The following SLC26A11 variants were observed in gnomAD, a reference collection of about 807,000 sequenced individuals.
SLC26A11 encodes solute carrier family 26 member 11.
A neutral mutation model predicts 62.2 loss-of-function variants in SLC26A11; 58 were observed. The observed-to-expected ratio is 0.93, with a 90% CI of 0.76 to 1.16. The LOEUF is 1.16. Ranked by LOEUF, SLC26A11 falls within the 50% of genes most tolerant of loss-of-function variation. SLC26A11 has a pLI of 0.00. For synonymous variants in SLC26A11, 411 were observed against 368.9 expected, an observed-to-expected ratio of 1.11 and a Z score of -1.31; for missense variants, 790 against 794.3, an observed-to-expected ratio of 0.99 and a Z score of 0.06.
chr17:80,234,798 G>A (rs191056658), intron 7 of SLC26A11, among the ~76,000 whole-genome samples: 5 of 150,316 alleles, frequency 3.3e-5, no homozygotes, highest in East Asian at 3.9e-4. Flanking sequence ...TGCTTGTTCC[G>A]TCTCAGACAC....
At chr17:80,249,461 C>T (rs555745958) in intron 16 of SLC26A11, among the ~76,000 whole-genome samples, 174 bp downstream of exon 16, 1 of 152,372 alleles carries the variant, frequency 6.6e-6, no homozygotes, top group African/African-American at 2.4e-5. Flanking sequence ...TTCCTCGTCC[C>T]TCCCTGTGGA....
chr17:80,250,209 G>A (rs1432887975), intron 16 of SLC26A11, among the ~76,000 whole-genome samples: 1 of 152,190 alleles, frequency 6.6e-6, no homozygotes, highest in Non-Finnish European at 1.5e-5. Flanking sequence ...ACTAGGGCGT[G>A]TCCCCAGGCG....
At position 80,227,843 on chromosome 17, in the gene SLC26A11, G is replaced by A. The variant is rs1345967871; in HGVS notation, c.619G>A (p.Val207Ile). ...TRVGDAVLGL[V>I]CMLLLLVLKL... ...GGTAGGTGACGCCGTCCTGGGGCTG[G>A]TCTGCATGCTGCTGCTGCTGGTGCT... Residue 207 changes from valine to isoleucine, a missense_variant, in exon 7 of 18, where the codon GTC becomes ATC. Val to Ile is a conservative substitution (Grantham distance 29, BLOSUM62 3). Coordinates refer to ENST00000361193, the MANE Select transcript of SLC26A11 (RefSeq NM_001166347.2). 3 of 1,603,778 alleles carry A rather than the reference G, an allele frequency of 1.9e-6. No homozygotes were observed. The highest frequency in any genetic ancestry group is 2.7e-5 in the African/African-American group (2 of 74,936).
At chr17:80,244,680 A>G (rs2144962331) in intron 10 of SLC26A11, among the ~76,000 whole-genome samples, 1 of 152,232 alleles carries the variant, frequency 6.6e-6, no homozygotes, top group Non-Finnish European at 1.5e-5. Context: ...TGTCTCTACT[A>G]AAAATAGAAA....
chr17:80,226,329 A>G (rs1261936707), intron 6 of SLC26A11, among the ~76,000 whole-genome samples: 1 of 152,116 alleles, frequency 6.6e-6, no homozygotes, highest in Non-Finnish European at 1.5e-5. Context: ...CCCAGACAGA[A>G]CGCAGGTGGT....
intron 10 of SLC26A11, among the ~76,000 whole-genome samples, chr17:80,244,436 G>A (rs1408207788): frequency 1.3e-5 from 2 of 152,200 alleles, no homozygotes; most frequent in Non-Finnish European, 2.9e-5. Flanking sequence ...TTGTCTTACG[G>A]GCACTTTATC....
At chr17:80,245,346 C>T (rs1390482529) in intron 11 of SLC26A11, 90 bp downstream of exon 11, 13 of 1,339,328 alleles carry the variant, frequency 9.7e-6, no homozygotes, top group East Asian at 4.7e-5. Context: ...CTGACCCCGG[C>T]GCCCCGTCCT....
At chr17:80,236,882 A>T (rs778246568) in intron 7 of SLC26A11, 46 bp from the exon 8 acceptor site, 1 of 1,572,880 alleles carries the variant, frequency 6.4e-7, no homozygotes, top group African/African-American at 1.4e-5. Context: ...GCTACCCCAC[A>T]CTCGCCGGGA....
Position 80,224,315 on chromosome 17 carries a change from G to A in SLC26A11, c.513+978G>A, listed in dbSNP as rs1044297502. Among the ~76,000 whole-genome samples the A allele has an allele frequency of 1.3e-4, 14 of 107,370 alleles. 1 individual carries two copies. Among genetic ancestry groups the A allele is most frequent in the African/African-American group, 3.2e-4 (6 of 18,488 alleles). The allele number at this position is 107,370 out of a possible 152,430, so 70.4% of individuals were successfully genotyped here. A position where few individuals can be genotyped will look rare whatever the true frequency, so the allele number is the denominator to read the frequency against. ...TGAGTGTGCGTGTGTGTGTGAGAGAGTGTGAGTGTGTATGAGTGAGAGTGT... is the reference window on the plus strand; with the variant it reads ...TGAGTGTGCGTGTGTGTGTGAGAGAATGTGAGTGTGTATGAGTGAGAGTGT... On this transcript the variant is annotated intron_variant, in intron 5 of 17. Coordinates refer to ENST00000361193, the MANE Select transcript of SLC26A11 (RefSeq NM_001166347.2).
rs374231395 is a variant in SLC26A11 at position 80,246,312 on chromosome 17, C to T, written c.1153+103C>T. 7.9e-5 allele frequency: 116 copies of T among 1,461,240 alleles called. No homozygotes were observed. In the African/African-American group the frequency reaches 1.1e-3, roughly 14 times the overall value. 90.5% of individuals were successfully genotyped at this position (1,461,240 alleles called of 1,614,324 possible). On this transcript the variant is annotated intron_variant, in intron 12 of 17. Coordinates refer to ENST00000361193, the MANE Select transcript of SLC26A11 (RefSeq NM_001166347.2). This position sits in a 1 kb window ranked among gnomAD's most constrained non-coding sequence, Gnocchi z 4.4. The stretch of plus-strand genomic sequence containing the variant: ...CCTTTGGCTCATGGGCCGTGCGCCC[C>T]GGGACTGCACAGGGACTTGGGGGGC...
Position 80,249,263 on chromosome 17 carries a change from C to T in SLC26A11, c.1632C>T (p.Val544=), listed in dbSNP as rs777539212. Reference sequence around the variant, plus strand: ...TCCAGGACTTCCAGAAGCAGGGCGTCGCCCTGGCCTTTGTGGGCCTGCAGG... The same window carrying T: ...TCCAGGACTTCCAGAAGCAGGGCGTTGCCCTGGCCTTTGTGGGCCTGCAGG... ...ELLQDFQKQG[V]ALAFVGLQVP... is the part of the protein sequence containing the mutation. Residue 544 remains valine (V), a synonymous_variant, in exon 16 of 18, where the codon GTC becomes GTT. Transcript: ENST00000361193. 1.4e-5 allele frequency: 23 copies of T among 1,610,966 alleles called. No homozygotes were observed. Among genetic ancestry groups the T allele is most frequent in the East Asian group, 2.2e-5 (1 of 44,876 alleles).
chr17:80,249,756 A>T (rs931760352), intron 16 of SLC26A11, among the ~76,000 whole-genome samples: 1 of 152,064 alleles, frequency 6.6e-6, no homozygotes, highest in Non-Finnish European at 1.5e-5. Context: ...AAATACAAAA[A>T]AAAACTAGTC....
At chr17:80,236,894 C>T (rs2042708118) in intron 7 of SLC26A11, 34 bp from the exon 8 acceptor site, 1 of 1,583,710 alleles carries the variant, frequency 6.3e-7, no homozygotes, top group Non-Finnish European at 8.6e-7. Flanking sequence ...TCGCCGGGAG[C>T]AGGGTCTCGG....
At position 80,237,008 on chromosome 17, in the gene SLC26A11, A is replaced by G. The variant is rs1598817542; in HGVS notation, c.817A>G (p.Thr273Ala). Reference protein sequence around the residue: ...EVTGYQPFILTGETAEGLPPV... With the variant: ...EVTGYQPFILAGETAEGLPPV... ...GACTGGATACCAGCCTTTCATCCTAACAGGGGAGACAGCTGAGGGGCTCCC... is the reference window on the plus strand; with the variant it reads ...GACTGGATACCAGCCTTTCATCCTAGCAGGGGAGACAGCTGAGGGGCTCCC... The change falls in exon 8 of 18, where the codon ACA (threonine) becomes GCA (alanine). Residue 273 changes from threonine (T) to alanine (A), a missense_variant. Thr to Ala is a moderately conservative substitution (Grantham distance 58). Coordinates refer to ENST00000361193, the MANE Select transcript of SLC26A11 (RefSeq NM_001166347.2). The G allele has an allele frequency of 2.5e-6, 4 of 1,613,996 alleles. No individual in the cohort carries two copies. The East Asian group carries it at 8.9e-5, about 36-fold the overall frequency.
Position 80,221,725 on chromosome 17 carries a change from C to T in SLC26A11, c.165C>T (p.Gly55=), listed in dbSNP as rs1276605661. The T allele has an allele frequency of 1.2e-6, 2 of 1,613,616 alleles. No homozygotes were observed. The highest frequency in any genetic ancestry group is 1.7e-6 in the Non-Finnish European group (2 of 1,180,050). ...GGCTGAAGATGGATTTCGTCGCCGG[C>T]CTCTCAGTTGGCCTCACTGCCATTC... The part of the protein sequence containing the change: ...LQWLKMDFVA[G]LSVGLTAIPQ... Residue 55 remains glycine, a synonymous_variant, in exon 3 of 18, where the codon GGC becomes GGT. Transcript: ENST00000361193.
chr17:80,223,120 AC>A lies in SLC26A11; in HGVS notation c.428-127del, dbSNP rs1302855710. The A allele has an allele frequency of 8.1e-6, 7 of 863,040 alleles. No homozygotes were observed. Among genetic ancestry groups the A allele is most frequent in the Non-Finnish European group, 9.4e-6 (5 of 531,816 alleles). 53.5% of individuals were successfully genotyped at this position (863,040 alleles called of 1,614,324 possible). On this transcript the variant is annotated intron_variant, in intron 4 of 17. Transcript: ENST00000361193. The surrounding 1 kb of genome is among the most constrained non-coding windows in gnomAD (Gnocchi z 4.6). Reference sequence around the variant, plus strand: ...CAAAAACAGCCAAACAGGGTGTGTTACCCCCAGTCCTTAGCTGCGGTATCTG... The same window carrying A: ...CAAAAACAGCCAAACAGGGTGTGTTACCCCAGTCCTTAGCTGCGGTATCTG...
intron 5 of SLC26A11, among the ~76,000 whole-genome samples, chr17:80,224,203 G>A (rs12942802): frequency 1.4e-5 from 1 of 71,690 alleles, no homozygotes; most frequent in South Asian, 6.4e-4. Flanking sequence ...GTGTGTGTGA[G>A]TGTGTGAATG....
Position 80,247,095 on chromosome 17 carries a change from A to G in SLC26A11, c.1294+446A>G, listed in dbSNP as rs1333886319. On this transcript the variant is annotated intron_variant, in intron 13 of 17. Coordinates refer to ENST00000361193, the MANE Select transcript of SLC26A11 (RefSeq NM_001166347.2). ...TTATTATTTTTATTTTTTTTTATTG[A>G]TCATTCTTGGGTGTTTCTTGCAGAG... 2.7e-5 allele frequency among the ~76,000 whole-genome samples: 4 copies of G among 146,002 alleles called. No individual in the cohort carries two copies. In the East Asian group the frequency reaches 8.0e-4, roughly 29 times the overall value.
chr17:80,236,992 CCAGCCTTT>C lies in SLC26A11; in HGVS notation c.804_811del (p.Gln268HisfsTer8). ...CGTACTCCTTCGAGGTGACTGGATACCAGCCTTTCATCCTAACAGGGGAGACAGCTGAG... is the reference window on the plus strand; with the variant it reads ...CGTACTCCTTCGAGGTGACTGGATACCATCCTAACAGGGGAGACAGCTGAG... On this transcript the variant is annotated frameshift_variant, in exon 8 of 18. Transcript: ENST00000361193. LOFTEE classifies it high-confidence loss of function. 1 of 1,614,130 alleles carries C rather than the reference CCAGCCTTT, an allele frequency of 6.2e-7. No individual in the cohort carries two copies. The highest frequency in any genetic ancestry group is 8.5e-7 in the Non-Finnish European group (1 of 1,180,000).
Sources: gnomAD v4.1 joint callset for allele counts (sites outside exome capture counted in the v4.1 genomes callset) on GRCh38, gnomAD v4.1.1 for gene constraint, Gnocchi (gnomAD v3.1) non-coding constraint, MANE v1.5 for transcripts, NCBI Gene and HGNC (gene_info 2026-07-23, HGNC 2026-07-21) for gene names.